The following NPSR1 variants were observed in gnomAD, a reference collection of about 807,000 sequenced individuals.
NPSR1 encodes neuropeptide S receptor.
NPSR1 carries 48 observed loss-of-function variants against 46.9 expected under a neutral mutation model. The ratio of observed to expected loss-of-function variants is 1.02; its 90% CI spans 0.81 to 1.30. The LOEUF is 1.30. Among genes scored for constraint, NPSR1 ranks in the 50% most tolerant of loss-of-function variants. NPSR1 has a pLI of 0.00. For missense variants in NPSR1, 450 were observed against 449.5 expected, an observed-to-expected ratio of 1.00 and a Z score of -0.01; for synonymous variants, 176 against 168.1, an observed-to-expected ratio of 1.05 and a Z score of -0.36.
intron 2 of NPSR1, among the ~76,000 whole-genome samples, chr7:34,706,156 T>A (rs1389061720): frequency 2.6e-5 from 4 of 152,044 alleles, no homozygotes; most frequent in Admixed American, 1.3e-4. Flanking sequence ...GGTTATCCAA[T>A]TTTGTCTTTT....
At chr7:34,843,023 G>A (rs1341747726) in intron 6 of NPSR1, among the ~76,000 whole-genome samples, 3 of 152,004 alleles carry the variant, frequency 2.0e-5, no homozygotes, top group Non-Finnish European at 2.9e-5. Context: ...CTATTCCCAC[G>A]CTGCACCCCG....
chr7:34,697,531 T>C (rs1326620690), intron 2 of NPSR1, among the ~76,000 whole-genome samples: 2 of 151,946 alleles, frequency 1.3e-5, no homozygotes, highest in Admixed American at 6.6e-5. Flanking sequence ...TTACATAAAA[T>C]AGATAGTATT....
rs192037395 is a variant in NPSR1 at position 34,775,997 on chromosome 7, C to A, written c.281-2465C>A. On this transcript the variant is annotated intron_variant, in intron 2 of 8. Coordinates refer to ENST00000360581, the MANE Select transcript of NPSR1 (RefSeq NM_207172.2). Reference sequence around the variant, plus strand: ...TTTCTTCATTGACCCACCAGTCATTCAGGAGCATATGGTTTGATTTCCATG... The same window carrying A: ...TTTCTTCATTGACCCACCAGTCATTAAGGAGCATATGGTTTGATTTCCATG... Among the ~76,000 whole-genome samples the A allele has an allele frequency of 2.0e-5, 3 of 152,208 alleles. No individual in the cohort carries two copies. The East Asian group carries it at 5.8e-4, about 29-fold the overall frequency.
intron 2 of NPSR1, among the ~76,000 whole-genome samples, chr7:34,763,120 A>G (rs527498622): frequency 6.6e-6 from 1 of 152,302 alleles, no homozygotes; most frequent in African/African-American, 2.4e-5. Flanking sequence ...AGGCACTATG[A>G]AAAAAGATAA....
At chr7:34,826,858 C>T (rs2128755887) in intron 4 of NPSR1, among the ~76,000 whole-genome samples, 2 of 149,170 alleles carry the variant, frequency 1.3e-5, no homozygotes, top group South Asian at 4.3e-4. Flanking sequence ...TGTTCTTTCT[C>T]TGCCTTGTAA....
At chr7:34,814,228 C>T (rs780657155) in intron 4 of NPSR1, among the ~76,000 whole-genome samples, 6 of 152,238 alleles carry the variant, frequency 3.9e-5, no homozygotes, top group Non-Finnish European at 7.3e-5. Flanking sequence ...GATTTAGAAA[C>T]GAGCAGACAA....
intron 2 of NPSR1, among the ~76,000 whole-genome samples, chr7:34,744,053 A>AT (rs1314099100): frequency 1.3e-5 from 2 of 152,138 alleles, no homozygotes; most frequent in Admixed American, 1.3e-4. Flanking sequence ...ATTATTATGT[A>AT]TTCCATCTTT....
chr7:34,729,685 C>T (rs1412755020), intron 2 of NPSR1, among the ~76,000 whole-genome samples: 1 of 152,168 alleles, frequency 6.6e-6, no homozygotes, highest in Non-Finnish European at 1.5e-5. Flanking sequence ...TCTCTGTACA[C>T]TATCAATAAC....
intron 8 of NPSR1, among the ~76,000 whole-genome samples, chr7:34,848,931 C>G (rs1263480751): frequency 2.0e-5 from 3 of 152,198 alleles, no homozygotes; most frequent in Middle Eastern, 3.2e-3. Context: ...TGCTTTTATT[C>G]AAAGCATCTT....
chr7:34,847,868 C>A (rs1790795307), intron 7 of NPSR1, among the ~76,000 whole-genome samples: 1 of 152,214 alleles, frequency 6.6e-6, no homozygotes, highest in Non-Finnish European at 1.5e-5. Context: ...GAATCCCCAC[C>A]TTTCATCCAT....
chr7:34,722,051 A>G (rs923356187), intron 2 of NPSR1, among the ~76,000 whole-genome samples: 2 of 152,096 alleles, frequency 1.3e-5, no homozygotes, highest in Non-Finnish European at 2.9e-5. Context: ...GGGGAAAAGG[A>G]GGGGAAGGAG....
At chr7:34,829,048 G>A (rs1479658517) in intron 5 of NPSR1, among the ~76,000 whole-genome samples, 1 of 152,166 alleles carries the variant, frequency 6.6e-6, no homozygotes, top group African/African-American at 2.4e-5. Flanking sequence ...TGTTTTTCAA[G>A]TGTTTTCTGA....
Position 34,691,319 on chromosome 7 carries a change from T to C in NPSR1, c.280+6635T>C, listed in dbSNP as rs147521033. On this transcript the variant is annotated intron_variant, in intron 2 of 8. Coordinates refer to ENST00000360581, the MANE Select transcript of NPSR1 (RefSeq NM_207172.2). Reference sequence around the variant, plus strand: ...CAGATCCTGTAAACCAACAACACAATTGAAACTCCAAGTAACAACACTGTG... The same window carrying C: ...CAGATCCTGTAAACCAACAACACAACTGAAACTCCAAGTAACAACACTGTG... 6.4e-3 allele frequency among the ~76,000 whole-genome samples: 971 copies of C among 152,178 alleles called. 2 individuals carry two copies. The highest frequency in any genetic ancestry group is 9.6e-3 in the Non-Finnish European group (653 of 67,980).
At chr7:34,793,014 G>A (rs949240223) in intron 3 of NPSR1, among the ~76,000 whole-genome samples, 1 of 151,416 alleles carries the variant, frequency 6.6e-6, no homozygotes, top group Non-Finnish European at 1.5e-5. Flanking sequence ...GCAAGACCCT[G>A]TCTCTACAAA....
intron 2 of NPSR1, among the ~76,000 whole-genome samples, chr7:34,730,029 C>T (rs1784348519): frequency 6.6e-6 from 1 of 152,182 alleles, no homozygotes; most frequent in African/African-American, 2.4e-5. Flanking sequence ...GTGTCATGGC[C>T]TCCCAAAGTG....
At chr7:34,798,736 T>C (rs1788315563) in intron 3 of NPSR1, among the ~76,000 whole-genome samples, 1 of 152,144 alleles carries the variant, frequency 6.6e-6, no homozygotes, top group South Asian at 2.1e-4. Flanking sequence ...ATAAAACACA[T>C]TTTAACAATG....
intron 2 of NPSR1, chr7:34,751,157 G>A: frequency 1.0e-6 from 1 of 972,922 alleles, no homozygotes; most frequent in South Asian, 1.3e-5. Flanking sequence ...GGGTCCTGAA[G>A]GTGAGCATAT....
intron 3 of NPSR1, 48 bp from the exon 4 acceptor site, chr7:34,811,722 T>G (rs1366705612): frequency 7.5e-7 from 1 of 1,336,898 alleles, no homozygotes; most frequent in Non-Finnish European, 1.1e-6. Flanking sequence ...TTATGTGCCT[T>G]CCCTCACCTC....
chr7:34,727,557 C>A (rs554968464), intron 2 of NPSR1, among the ~76,000 whole-genome samples: 1 of 152,302 alleles, frequency 6.6e-6, no homozygotes, highest in South Asian at 2.1e-4. Flanking sequence ...GCAACCACCA[C>A]AATATCTTGT....
Sources: allele counts gnomAD v4.1 joint callset (sites outside exome capture counted in the v4.1 genomes callset), GRCh38; gene constraint gnomAD v4.1.1; transcripts MANE v1.5; gene names NCBI Gene and HGNC (gene_info 2026-07-23, HGNC 2026-07-21).